The following ERAP1 variants were observed in gnomAD, a reference collection of about 807,000 sequenced individuals.
ERAP1 encodes the protein adipocyte-derived leucine aminopeptidase.
Under a neutral mutation model 103.7 loss-of-function variants are expected in ERAP1, and 86 were observed. The observed-to-expected ratio is 0.83, with a 90% confidence interval of 0.70 to 0.99. The LOEUF (loss-of-function observed/expected upper bound fraction) is 0.99, where lower values mean the gene tolerates loss of function less well. ERAP1 is among the 50% of genes least tolerant of loss of function. The probability of loss-of-function intolerance (pLI) is 0.00; values close to 1 mark genes in which losing one functional copy is unlikely to be tolerated. For missense variants in ERAP1, 1,009 were observed against 1,128.4 expected (o/e 0.89, Z 1.52); for synonymous variants, 398 against 402.4 (o/e 0.99, Z 0.13).
the ERAP1 span, among the ~76,000 whole-genome samples, chr5:96,926,557 C>A: frequency 2.6e-5 from 4 of 152,132 alleles, no homozygotes; most frequent in Non-Finnish European, 5.9e-5. Flanking sequence ...TGGAATGATA[C>A]AATACATTTC....
At position 96,788,532 on chromosome 5, in the gene ERAP1, C is replaced by A; in HGVS notation, c.1678G>T (p.Gly560Trp). 6.2e-7 allele frequency: 1 copy of A among 1,614,130 alleles called. No homozygotes were observed. The highest frequency in any genetic ancestry group is 1.1e-5 in the South Asian group (1 of 91,082). The change falls in exon 11 of 19, where the codon GGG (glycine) becomes TGG (tryptophan). Residue 560 changes from glycine to tryptophan, a missense_variant and splice_region_variant. Physicochemically the swap from Gly to Trp is radical, Grantham distance 184. This residue lies in a region of ERAP1 where 611 missense variants were observed against 651.7 expected (regional missense o/e 0.94). Transcript: ENST00000443439. ...CAAATTTTACTCTAGGAGCATTACC[C>A]AGTGTCCGGGGCGCCGTCAGAGCCC... ...MKGSDGAPDT[G>W]YLWHVPLTFI... is the part of the protein sequence containing the mutation.
downstream of ERAP1, chr5:96,770,323 C>T: frequency 1.9e-6 from 1 of 523,604 alleles, no homozygotes; most frequent in Non-Finnish European, 3.5e-6. Flanking sequence ...CCCACATTTC[C>T]CTCCTTATTT....
upstream of ERAP1, chr5:96,808,284 T>C (rs1449864564): frequency 3.4e-6 from 1 of 298,018 alleles, no homozygotes; most frequent in Non-Finnish European, 4.8e-6. Context: ...TGTTTTTGTC[T>C]TTTTTTTTTT....
At chr5:96,921,736 A>G in the ERAP1 span, among the ~76,000 whole-genome samples, 1 of 152,200 alleles carries the variant, frequency 6.6e-6, no homozygotes, top group Non-Finnish European at 1.5e-5. Flanking sequence ...TGTTATTTAC[A>G]CACATGATTT....
the ERAP1 span, chr5:96,895,454 T>A: frequency 3.3e-6 from 3 of 896,346 alleles, no homozygotes; most frequent in Non-Finnish European, 5.3e-6. Context: ...AAAAACTACA[T>A]AATGTTGTGG....
chr5:96,890,070 T>C, the ERAP1 span, among the ~76,000 whole-genome samples: 83,452 of 151,998 alleles, frequency 0.55, 22,940 homozygotes, highest in Admixed American at 0.6. Context: ...AACAGATCAT[T>C]TGGTTGTGGT....
chr5:96,932,040 C>T, the ERAP1 span, among the ~76,000 whole-genome samples: 1 of 152,256 alleles, frequency 6.6e-6, no homozygotes. Context: ...TATTTGGCTG[C>T]GTTTTTTTGC....
At chr5:96,913,200 A>C in the ERAP1 span, 9 of 757,854 alleles carry the variant, frequency 1.2e-5, no homozygotes, top group Non-Finnish European at 1.8e-5. Context: ...AAAAATTGGT[A>C]ATTATACTTT....
chr5:96,803,145 T>G (rs1778177447), intron 2 of ERAP1, among the ~76,000 whole-genome samples: 3 of 152,084 alleles, frequency 2.0e-5, no homozygotes, highest in Admixed American at 2.0e-4. Context: ...TTATTATGTC[T>G]CAGAAATCGA....
At chr5:96,884,034 T>TTATCTATCTATC in the ERAP1 span, 105 of 603,478 alleles carry the variant, frequency 1.7e-4, no homozygotes, top group Middle Eastern at 3.9e-4. Flanking sequence ...TAATTTGTTT[T>TTATCTATCTATC]TATCTATCTA....
chr5:96,825,283 T>C, the ERAP1 span, among the ~76,000 whole-genome samples: 1 of 152,220 alleles, frequency 6.6e-6, no homozygotes, highest in Non-Finnish European at 1.5e-5. Context: ...TTCAAATATT[T>C]GGGTATTTTC....
the ERAP1 span, chr5:96,881,600 A>G: frequency 4.7e-6 from 2 of 421,600 alleles, no homozygotes; most frequent in Non-Finnish European, 9.5e-6. Context: ...ATGCAACAAG[A>G]AGTCCAGAAG....
At chr5:96,770,626 A>G (rs576277448), downstream of ERAP1, 3 of 1,491,686 alleles carry the variant, frequency 2.0e-6, no homozygotes, top group Non-Finnish European at 1.9e-6. Flanking sequence ...TAAATATACT[A>G]CAAATTAGTT....
chr5:96,924,952 T>C, the ERAP1 span, among the ~76,000 whole-genome samples: 1 of 152,198 alleles, frequency 6.6e-6, no homozygotes, highest in Non-Finnish European at 1.5e-5. Context: ...GAAGAAAGGC[T>C]GTGATTGCTT....
At chr5:96,901,283 A>G in the ERAP1 span, among the ~76,000 whole-genome samples, 2 of 152,088 alleles carry the variant, frequency 1.3e-5, no homozygotes, top group Non-Finnish European at 2.9e-5. Context: ...TATTCACCCT[A>G]CTATATCCTG....
chr5:96,761,356 A>AT (rs1381465907), exon 20 of ERAP1: 1 of 152,226 alleles, frequency 6.6e-6, no homozygotes, highest in Non-Finnish European at 1.5e-5. Context: ...AATTTAGTAC[A>AT]TTTTGGATTA....
chr5:96,774,694 G>GTAT lies in ERAP1; in HGVS notation c.*1699_*1701dup. ...TATTTTACATTAAAATCTTGGTTGTGTATTTTTTTAAAAGAAGGGAAATAG... is the reference window on the plus strand; with the variant it reads ...TATTTTACATTAAAATCTTGGTTGTGTATTATTTTTTTAAAAGAAGGGAAATAG... On this transcript the variant is annotated 3_prime_UTR_variant, in exon 19 of 19. Coordinates refer to ENST00000443439, the MANE Select transcript of ERAP1 (RefSeq NM_001040458.3). 1.0e-6 allele frequency: 1 copy of GTAT among 980,608 alleles called. No homozygotes were observed. The allele number at this position is 980,608 out of a possible 1,614,324, so 60.7% of individuals were successfully genotyped here.
At chr5:96,861,959 T>C in the ERAP1 span, among the ~76,000 whole-genome samples, 1 of 152,134 alleles carries the variant, frequency 6.6e-6, no homozygotes, top group South Asian at 2.1e-4. Flanking sequence ...GTATGACTTG[T>C]GAACCAAGGT....
At chr5:96,807,291 G>C (rs1199698540) in intron 1 of ERAP1, among the ~76,000 whole-genome samples, 1 of 152,198 alleles carries the variant, frequency 6.6e-6, no homozygotes, top group East Asian at 1.9e-4. Context: ...AAGCAGGGAG[G>C]GAAGTGACCT....
Sources: allele counts gnomAD v4.1 joint callset (sites outside exome capture counted in the v4.1 genomes callset), GRCh38; gene constraint gnomAD v4.1.1; regional missense constraint gnomAD v4.1.1; transcripts MANE v1.5; gene names NCBI Gene and HGNC (gene_info 2026-07-23, HGNC 2026-07-21).